The following PPM1L variants were observed in gnomAD, a reference collection of about 807,000 sequenced individuals.
PPM1L encodes protein phosphatase, Mg2+/Mn2+ dependent 1L, also known as protein phosphatase 1L.
PPM1L carries 13 observed loss-of-function variants against 31.4 expected under a neutral mutation model. The observed-to-expected ratio is 0.41, with a 90% CI of 0.27 to 0.66. The LOEUF (loss-of-function observed/expected upper bound fraction) is 0.66. Ranked by LOEUF, PPM1L falls within the 30% of genes least tolerant of loss-of-function variation. The pLI, the probability that PPM1L is intolerant of heterozygous loss-of-function variation, is 0.29. For missense variants in PPM1L, 326 were observed against 453.7 expected (o/e 0.72, Z 2.56); for synonymous variants, 184 against 175.4 (o/e 1.05, Z -0.39).
chr3:160,949,132 A>G (rs886128152), intron 1 of PPM1L, among the ~76,000 whole-genome samples: 1 of 152,276 alleles, frequency 6.6e-6, no homozygotes. Context: ...AATACCAGCC[A>G]TGAAGAAACA....
At chr3:160,813,801 C>G (rs779631269) in intron 1 of PPM1L, among the ~76,000 whole-genome samples, 3 of 152,142 alleles carry the variant, frequency 2.0e-5, no homozygotes, top group Non-Finnish European at 4.4e-5. Context: ...AAAAATATTA[C>G]TCTCTGATAA....
chr3:160,919,202 T>TA (rs1714301641), intron 1 of PPM1L, among the ~76,000 whole-genome samples: 1 of 152,206 alleles, frequency 6.6e-6, no homozygotes, highest in African/African-American at 2.4e-5. Context: ...ATTTTAATGG[T>TA]CTTTGATTCA....
In PPM1L at chr3:160,896,071, A is replaced by G. The variant is rs1713325696; in HGVS notation, c.400-65665A>G. Among the ~76,000 whole-genome samples, 4 of 152,300 alleles carry G rather than the reference A, an allele frequency of 2.6e-5. No individual in the cohort carries two copies. In the South Asian group the frequency reaches 8.3e-4, roughly 32 times the overall value. Reference sequence around the variant, plus strand: ...ACTTTAGGGACTGCTCTCATGAAGCATTTGAAGGAGGAGAAGGCCTTGCAT... The same window carrying G: ...ACTTTAGGGACTGCTCTCATGAAGCGTTTGAAGGAGGAGAAGGCCTTGCAT... On this transcript the variant is annotated intron_variant, in intron 1 of 3. Coordinates refer to ENST00000498165, the MANE Select transcript of PPM1L (RefSeq NM_139245.4).
chr3:160,837,207 C>T (rs916406328), intron 1 of PPM1L, among the ~76,000 whole-genome samples: 1 of 152,082 alleles, frequency 6.6e-6, no homozygotes, highest in Non-Finnish European at 1.5e-5. Flanking sequence ...ATAAAAAAAG[C>T]TTTCTTGTAC....
chr3:160,838,917 A>G (rs990718188), intron 1 of PPM1L, among the ~76,000 whole-genome samples: 1 of 152,176 alleles, frequency 6.6e-6, no homozygotes, highest in African/African-American at 2.4e-5. Context: ...CCAAATTTAT[A>G]TGTTGATGGC....
At chr3:161,045,250 C>A (rs1472107337) in intron 2 of PPM1L, among the ~76,000 whole-genome samples, 2 of 152,190 alleles carry the variant, frequency 1.3e-5, no homozygotes, top group East Asian at 1.9e-4. Context: ...AGGAATTGAA[C>A]TCAGCTCTGC....
chr3:161,032,823 G>T (rs74524932), intron 2 of PPM1L, among the ~76,000 whole-genome samples: 19,562 of 150,640 alleles, frequency 0.13, 1,435 homozygotes, highest in East Asian at 0.28. Context: ...CTCCTGAGTA[G>T]CTGGGATTAC....
intron 1 of PPM1L, among the ~76,000 whole-genome samples, chr3:160,814,443 A>G (rs181817068): frequency 3.3e-5 from 5 of 152,118 alleles, no homozygotes; most frequent in African/African-American, 7.2e-5. Flanking sequence ...ATGCCTATCT[A>G]TCAACGAGTG....
rs1719904870 is a variant in PPM1L, at chr3:161,071,152, T to C, written c.*1995T>C. ...ATGCTGGCTGTGAGCAGTGCTGAGA[T>C]GGCCAGGCCAGGCGGCTGAGTTTGC... On this transcript the variant is annotated 3_prime_UTR_variant, in exon 4 of 4. Transcript: ENST00000498165. 2 of 152,394 alleles carry C rather than the reference T, an allele frequency of 1.3e-5. 1 individual carries two copies. Among genetic ancestry groups the C allele is most frequent in the Non-Finnish European group, 2.9e-5 (2 of 68,102 alleles). 9.4% of individuals were successfully genotyped at this position (152,394 alleles called of 1,614,324 possible). A position where few individuals can be genotyped will look rare whatever the true frequency, so the allele number is the denominator to read the frequency against.
At chr3:160,838,449 T>C (rs975817613) in intron 1 of PPM1L, among the ~76,000 whole-genome samples, 2 of 152,188 alleles carry the variant, frequency 1.3e-5, no homozygotes, top group African/African-American at 4.8e-5. Flanking sequence ...AAGGAAAATC[T>C]GTATTGAATT....
At chr3:160,764,391 A>G (rs545328142) in intron 1 of PPM1L, among the ~76,000 whole-genome samples, 1 of 152,128 alleles carries the variant, frequency 6.6e-6, no homozygotes, top group African/African-American at 2.4e-5. Flanking sequence ...TCTTTGTATA[A>G]TTCTATAAAC....
intron 1 of PPM1L, among the ~76,000 whole-genome samples, chr3:160,787,864 G>A (rs989143124): frequency 2.0e-5 from 3 of 151,788 alleles, no homozygotes; most frequent in Admixed American, 2.0e-4. Context: ...GATTGAATAG[G>A]AAAATTGAAT....
At chr3:160,963,914 G>A (rs1716052168) in intron 2 of PPM1L, among the ~76,000 whole-genome samples, 1 of 152,064 alleles carries the variant, frequency 6.6e-6, no homozygotes, top group Non-Finnish European at 1.5e-5. Flanking sequence ...AAGATTGAGA[G>A]TTAGAGGATC....
rs141892371 is a variant in PPM1L, at chr3:160,815,678, A to G, written c.399+58971A>G. Among the ~76,000 whole-genome samples the G allele has an allele frequency of 4.5e-3, 688 of 152,326 alleles. 4 individuals carry two copies. Among genetic ancestry groups the G allele is most frequent in the African/African-American group, 0.016 (668 of 41,564 alleles). On this transcript the variant is annotated intron_variant, in intron 1 of 3. Coordinates refer to ENST00000498165, the MANE Select transcript of PPM1L (RefSeq NM_139245.4). ...CTTATTCCATCATAATATAGTATCT[A>G]TCATTCTACCATTAGAAATTATTCC... is the stretch of plus-strand genomic sequence containing the variant.
At chr3:160,801,645 A>G (rs185611350) in intron 1 of PPM1L, among the ~76,000 whole-genome samples, 1 of 152,298 alleles carries the variant, frequency 6.6e-6, no homozygotes, top group African/African-American at 2.4e-5. Context: ...ATGCTGAGAT[A>G]ACTTGCACTC....
rs1357780947 is a variant in PPM1L at position 161,069,190 on chromosome 3, A to G, written c.*33A>G. ...AGGGGTCTCAGCTGCCTTAGACTAA[A>G]GGACTTTCAACACACTGGTCTCTTT... is the stretch of plus-strand genomic sequence containing the variant. On this transcript the variant is annotated 3_prime_UTR_variant, in exon 4 of 4. Transcript: ENST00000498165. The G allele has an allele frequency of 1.3e-6, 2 of 1,494,864 alleles. No individual in the cohort carries two copies. The highest frequency in any genetic ancestry group is 2.8e-5 in the African/African-American group (2 of 71,516). The allele number at this position is 1,494,864 out of a possible 1,614,324, so 92.6% of individuals were successfully genotyped here.
intron 3 of PPM1L, among the ~76,000 whole-genome samples, chr3:161,066,681 G>A (rs1170962556): frequency 6.6e-6 from 1 of 152,244 alleles, no homozygotes; most frequent in Non-Finnish European, 1.5e-5. Context: ...CCAGGCAGCA[G>A]GCCAGCTGTC....
At chr3:160,832,759 AATTTTT>A (rs1311528412) in intron 1 of PPM1L, among the ~76,000 whole-genome samples, 1 of 152,124 alleles carries the variant, frequency 6.6e-6, no homozygotes, top group Non-Finnish European at 1.5e-5. Flanking sequence ...TTTTATTATT[AATTTTT>A]ATTTTTATTT....
chr3:160,991,079 T>TAA (rs3063243), intron 2 of PPM1L, among the ~76,000 whole-genome samples: 98 of 138,130 alleles, frequency 7.1e-4, no homozygotes, highest in South Asian at 6.0e-3. Context: ...GCTGATGAGC[T>TAA]AAAAAAAAAA....
Sources: gnomAD v4.1 joint callset for allele counts (sites outside exome capture counted in the v4.1 genomes callset) on GRCh38, gnomAD v4.1.1 for gene constraint, MANE v1.5 for transcripts, NCBI Gene and HGNC (gene_info 2026-07-23, HGNC 2026-07-21) for gene names.